Variants in CELF4 observed in about 807,000 individuals in gnomAD.
CELF4 encodes CUGBP Elav-like family member 4.
In CELF4, 18 loss-of-function variants were observed where a neutral mutation model predicts 59.9. That is an observed-to-expected ratio of 0.30 (90% CI 0.21 to 0.45). The LOEUF (loss-of-function observed/expected upper bound fraction) is 0.45. Among genes scored for constraint, CELF4 ranks in the 20% least tolerant of loss-of-function variants. The probability of loss-of-function intolerance (pLI) is 1.00; values close to 1 mark genes in which losing one functional copy is unlikely to be tolerated. For synonymous variants in CELF4, 261 were observed against 267.1 expected (o/e 0.98, Z 0.22); for missense variants, 456 against 689.0 (o/e 0.66, Z 3.79).
At position 37,352,620 on chromosome 18, in the gene CELF4, AG is replaced by A. The variant is rs201796679; in HGVS notation, c.370-30740del. 3.1e-3 allele frequency among the ~76,000 whole-genome samples: 466 copies of A among 151,414 alleles called. 1 individual carries two copies. The highest frequency in any genetic ancestry group is 9.4e-3 in the African/African-American group (390 of 41,278). ...AAAAAAAAAATTAAAAATAAAAAAA[AG>A]AATTTTAAGTATCTGCTTTGGATTC... On this transcript the variant is annotated intron_variant, in intron 2 of 12. Transcript: ENST00000420428.
chr18:37,302,172 C>T (rs976830456), intron 3 of CELF4, among the ~76,000 whole-genome samples: 7 of 152,162 alleles, frequency 4.6e-5, no homozygotes, highest in African/African-American at 1.7e-4. Flanking sequence ...GAATGCCCAC[C>T]GGCCACCCCT....
intron 2 of CELF4, among the ~76,000 whole-genome samples, chr18:37,417,538 T>G (rs1331206269): frequency 1.3e-5 from 2 of 152,216 alleles, no homozygotes; most frequent in Non-Finnish European, 2.9e-5. Flanking sequence ...CAAGTGGTGC[T>G]ATCTCCCTTT....
chr18:37,493,807 G>C (rs894822315), intron 1 of CELF4, among the ~76,000 whole-genome samples: 1 of 152,128 alleles, frequency 6.6e-6, no homozygotes, highest in African/African-American at 2.4e-5. Flanking sequence ...TTCAGGCTCC[G>C]TACTGCCCTC....
chr18:37,322,916 G>A (rs888880802), intron 2 of CELF4, among the ~76,000 whole-genome samples: 6 of 152,208 alleles, frequency 3.9e-5, no homozygotes, highest in Non-Finnish European at 8.8e-5. Context: ...GCATTCAGGT[G>A]CTTCCCAAGG....
chr18:37,414,503 C>CTTTTTTTTT (rs55943928), intron 2 of CELF4, among the ~76,000 whole-genome samples: 39 of 116,052 alleles, frequency 3.4e-4, no homozygotes, highest in East Asian at 5.0e-4. Flanking sequence ...CTTTTCTTTT[C>CTTTTTTTTT]TTTTTTTTTT....
chr18:37,261,239 C>T (rs1224830603), intron 10 of CELF4, among the ~76,000 whole-genome samples: 1 of 147,782 alleles, frequency 6.8e-6, no homozygotes, highest in Non-Finnish European at 1.5e-5. Flanking sequence ...CCCCCTCCAG[C>T]CCCCCCCACA....
intron 2 of CELF4, among the ~76,000 whole-genome samples, chr18:37,363,823 C>T (rs1473498151): frequency 2.0e-5 from 3 of 152,282 alleles, no homozygotes; most frequent in East Asian, 3.9e-4. Context: ...CACATCTGTG[C>T]CTTTCTCTGC....
At chr18:37,313,105 C>G (rs536798791) in intron 3 of CELF4, among the ~76,000 whole-genome samples, 1 of 152,354 alleles carries the variant, frequency 6.6e-6, no homozygotes, top group East Asian at 1.9e-4. Context: ...GACGCCTTCT[C>G]TCTCAGACTG....
rs147488915 is a variant in CELF4, at chr18:37,357,388, G to A, written c.370-35507C>T. 3.7e-3 allele frequency among the ~76,000 whole-genome samples: 562 copies of A among 152,364 alleles called. 3 individuals carry two copies. Among genetic ancestry groups the A allele is most frequent in the African/African-American group, 0.013 (530 of 41,590 alleles). ...GGAGCTTCCACGTGGTGCTGAGCCT[G>A]TGAGTACACAGAAGTCAAGAATTGA... On this transcript the variant is annotated intron_variant, in intron 2 of 12. Transcript: ENST00000420428.
At chr18:37,357,174 A>C (rs1288278390) in intron 2 of CELF4, among the ~76,000 whole-genome samples, 4 of 152,312 alleles carry the variant, frequency 2.6e-5, no homozygotes, top group African/African-American at 7.2e-5. Flanking sequence ...CTGAGGTTTG[A>C]GCTTGGAGCC....
At chr18:37,383,056 A>C (rs1403846266) in intron 2 of CELF4, among the ~76,000 whole-genome samples, 1 of 137,186 alleles carries the variant, frequency 7.3e-6, no homozygotes, top group Non-Finnish European at 1.6e-5. Context: ...GTATGTATGT[A>C]TGTATTATTT....
intron 2 of CELF4, among the ~76,000 whole-genome samples, chr18:37,356,084 T>C (rs2098558353): frequency 6.6e-6 from 1 of 152,140 alleles, no homozygotes; most frequent in Non-Finnish European, 1.5e-5. Flanking sequence ...ACTGAGGCCG[T>C]TTATTTTCTG....
intron 3 of CELF4, among the ~76,000 whole-genome samples, chr18:37,293,469 T>C (rs2095465928): frequency 6.6e-6 from 1 of 152,212 alleles, no homozygotes; most frequent in Non-Finnish European, 1.5e-5. Flanking sequence ...ATGCCAATCA[T>C]ATTGGATTTA....
chr18:37,406,985 A>G (rs1319409509), intron 2 of CELF4, among the ~76,000 whole-genome samples: 1 of 152,170 alleles, frequency 6.6e-6, no homozygotes, highest in Non-Finnish European at 1.5e-5. Flanking sequence ...CCATCCAAGC[A>G]AAGGTGGAAG....
rs2061137310 is a variant in CELF4 at position 37,243,940 on chromosome 18, GCGACCGTTCCCGAC to G, written c.*1288_*1301del. ...CGGCGGCGGCGGCGACCCGGGCGAC[GCGACCGTTCCCGAC>G]CGACGGCGTGGCCTCCACCGGCGTC... On this transcript the variant is annotated 3_prime_UTR_variant, in exon 13 of 13. Coordinates refer to ENST00000420428, the MANE Select transcript of CELF4 (RefSeq NM_020180.4). 5.5e-6 allele frequency: 1 copy of G among 182,270 alleles called. No homozygotes were observed. Among genetic ancestry groups the G allele is most frequent in the Non-Finnish European group, 1.2e-5 (1 of 86,652 alleles). The allele number at this position is 182,270 out of a possible 1,614,324, so 11.3% of individuals were successfully genotyped here. A position where few individuals can be genotyped will look rare whatever the true frequency, so the allele number is the denominator to read the frequency against.
chr18:37,259,924 C>T (rs2073243648), intron 10 of CELF4, among the ~76,000 whole-genome samples: 1 of 152,232 alleles, frequency 6.6e-6, no homozygotes, highest in African/African-American at 2.4e-5. Context: ...AGCCAGGGAA[C>T]CCTCCAGCCT....
chr18:37,295,070 G>A (rs1195745963), intron 3 of CELF4, among the ~76,000 whole-genome samples: 1 of 152,066 alleles, frequency 6.6e-6, no homozygotes, highest in African/African-American at 2.4e-5. Context: ...TCTGTCTCTG[G>A]GGCTCTGACT....
chr18:37,507,615 C>T (rs2099939545), intron 1 of CELF4, among the ~76,000 whole-genome samples: 1 of 152,236 alleles, frequency 6.6e-6, no homozygotes, highest in South Asian at 2.1e-4. Flanking sequence ...AGTCAAATCT[C>T]AGTGTTCAAG....
intron 2 of CELF4, among the ~76,000 whole-genome samples, chr18:37,372,775 G>A (rs1467056179): frequency 6.6e-6 from 1 of 151,942 alleles, no homozygotes; most frequent in Non-Finnish European, 1.5e-5. Flanking sequence ...TAATTACCCA[G>A]TCTCCAGATA....
Sources: gnomAD v4.1 joint callset for allele counts (sites outside exome capture counted in the v4.1 genomes callset) on GRCh38, gnomAD v4.1.1 for gene constraint, MANE v1.5 for transcripts, NCBI Gene and HGNC (gene_info 2026-07-23, HGNC 2026-07-21) for gene names.